Variants in GRK5 observed in about 807,000 individuals in gnomAD.
The protein encoded by GRK5 is g protein-coupled receptor kinase GRK5.
Under a neutral mutation model 78.4 loss-of-function variants are expected in GRK5, and 40 were observed. That is an observed-to-expected ratio of 0.51 (90% CI 0.40 to 0.66). The LOEUF (loss-of-function observed/expected upper bound fraction) is 0.66. GRK5 is among the 30% of genes least tolerant of loss of function. GRK5 has a pLI of 0.00. For missense variants in GRK5, 598 were observed against 759.9 expected, an observed-to-expected ratio of 0.79 and a Z score of 2.50; for synonymous variants, 289 against 296.8, an observed-to-expected ratio of 0.97 and a Z score of 0.27.
At chr10:119,284,051 C>T (rs562032315) in intron 1 of GRK5, among the ~76,000 whole-genome samples, 1 of 152,246 alleles carries the variant, frequency 6.6e-6, no homozygotes, top group Non-Finnish European at 1.5e-5. Flanking sequence ...GAGGAGGAAG[C>T]TGGGTACAGG....
At chr10:119,370,088 C>G (rs1022943575) in intron 2 of GRK5, among the ~76,000 whole-genome samples, 3 of 152,222 alleles carry the variant, frequency 2.0e-5, no homozygotes, top group Non-Finnish European at 4.4e-5. Flanking sequence ...TCCCCAGACT[C>G]CTGGATACCT....
intron 2 of GRK5, among the ~76,000 whole-genome samples, chr10:119,357,939 G>A (rs1851290979): frequency 6.6e-6 from 1 of 152,200 alleles, no homozygotes; most frequent in Admixed American, 6.5e-5. Context: ...TCCCAAGCCA[G>A]GGGTGGGCAG....
chr10:119,349,104 A>G (rs1851149506), intron 2 of GRK5, among the ~76,000 whole-genome samples: 2 of 152,172 alleles, frequency 1.3e-5, no homozygotes, highest in Non-Finnish European at 2.9e-5. Context: ...GGAGAGGTTA[A>G]ACACTGTGGA....
In GRK5 at chr10:119,313,037, G is replaced by A. The variant is rs373149430; in HGVS notation, c.53-13479G>A. Among the ~76,000 whole-genome samples, 347 of 112,318 alleles carry A rather than the reference G, an allele frequency of 3.1e-3. 2 individuals carry two copies. The highest frequency in any genetic ancestry group is 8.8e-3 in the African/African-American group (338 of 38,292). 73.7% of individuals were successfully genotyped at this position (112,318 alleles called of 152,430 possible). A position where few individuals can be genotyped will look rare whatever the true frequency, so the allele number is the denominator to read the frequency against. ...TGATGGTAGTGGTAATGGCAGTGGT[G>A]ATGGTGGTGGTGGTAATGATGATGG... is the stretch of plus-strand genomic sequence containing the variant. On this transcript the variant is annotated intron_variant, in intron 1 of 15. Coordinates refer to ENST00000392870, the MANE Select transcript of GRK5 (RefSeq NM_005308.3).
chr10:119,436,531 G>A, intron 8 of GRK5, 120 bp from the exon 9 acceptor site: 1 of 975,938 alleles, frequency 1.0e-6, no homozygotes, highest in Non-Finnish European at 1.6e-6. Context: ...TCTGGGTGCA[G>A]GGGAGCAGGG....
At chr10:119,322,659 G>A (rs1440170752) in intron 1 of GRK5, among the ~76,000 whole-genome samples, 3 of 152,170 alleles carry the variant, frequency 2.0e-5, no homozygotes, top group African/African-American at 7.2e-5. Flanking sequence ...AGTCACCTGG[G>A]GATCCTTTTA....
At chr10:119,386,768 G>A (rs532682488) in intron 3 of GRK5, among the ~76,000 whole-genome samples, 59 of 152,320 alleles carry the variant, frequency 3.9e-4, no homozygotes, top group East Asian at 1.9e-3. Flanking sequence ...CAGGGCTGGC[G>A]TAACTTCTCG....
chr10:119,417,339 A>G (rs1852477985), intron 4 of GRK5, among the ~76,000 whole-genome samples: 1 of 152,168 alleles, frequency 6.6e-6, no homozygotes, highest in South Asian at 2.1e-4. Context: ...CAGTGTCTGA[A>G]ATACTCCAGA....
intron 12 of GRK5, among the ~76,000 whole-genome samples, chr10:119,446,951 T>C (rs1853162516): frequency 6.6e-6 from 1 of 152,248 alleles, no homozygotes. Context: ...AAGACAAGGC[T>C]GGGCCCCTAC....
At chr10:119,219,544 A>G (rs1848629705) in intron 1 of GRK5, among the ~76,000 whole-genome samples, 1 of 152,248 alleles carries the variant, frequency 6.6e-6, no homozygotes, top group Non-Finnish European at 1.5e-5. Flanking sequence ...GGTGAAGAAG[A>G]GAGCCGAGAA....
intron 2 of GRK5, among the ~76,000 whole-genome samples, chr10:119,376,973 C>T (rs1480382293): frequency 6.6e-6 from 1 of 152,150 alleles, no homozygotes; most frequent in Non-Finnish European, 1.5e-5. Flanking sequence ...AGCAAGTGCG[C>T]ATGCGCGTGC....
chr10:119,417,511 C>T (rs1363009832), intron 4 of GRK5, among the ~76,000 whole-genome samples: 1 of 152,132 alleles, frequency 6.6e-6, no homozygotes, highest in Non-Finnish European at 1.5e-5. Context: ...ACAAATGCAG[C>T]TTCAGGACAG....
intron 4 of GRK5, among the ~76,000 whole-genome samples, chr10:119,416,211 T>C (rs1852447924): frequency 6.6e-6 from 1 of 152,214 alleles, no homozygotes; most frequent in Admixed American, 6.5e-5. Context: ...GCCTCAAACA[T>C]CTGGAGTTTC....
chr10:119,368,051 C>T (rs1851479403), intron 2 of GRK5, among the ~76,000 whole-genome samples: 1 of 152,234 alleles, frequency 6.6e-6, no homozygotes, highest in South Asian at 2.1e-4. Context: ...CTGGCCCGGC[C>T]CTCCGTGGCT....
At chr10:119,402,592 C>T (rs186385028) in intron 4 of GRK5, among the ~76,000 whole-genome samples, 4 of 152,332 alleles carry the variant, frequency 2.6e-5, no homozygotes, top group Admixed American at 6.5e-5. Flanking sequence ...GTGTCTCACA[C>T]CTGTAATCCC....
chr10:119,292,948 T>A (rs1850010611), intron 1 of GRK5, among the ~76,000 whole-genome samples: 1 of 152,176 alleles, frequency 6.6e-6, no homozygotes, highest in Admixed American at 6.5e-5. Flanking sequence ...GACTTTATGT[T>A]TTACAAAGCA....
intron 3 of GRK5, among the ~76,000 whole-genome samples, chr10:119,389,745 G>A (rs1334421275): frequency 6.6e-6 from 1 of 151,938 alleles, no homozygotes; most frequent in African/African-American, 2.4e-5. Context: ...TGGGAACTGT[G>A]GACTGCCATG....
chr10:119,290,357 A>AC (rs1849930084), intron 1 of GRK5, among the ~76,000 whole-genome samples: 2 of 145,406 alleles, frequency 1.4e-5, no homozygotes, highest in Non-Finnish European at 3.0e-5. Context: ...AAAAAAAAAA[A>AC]AAAAAACAAA....
chr10:119,445,358 G>C lies in GRK5; in HGVS notation c.1266+1606G>C, dbSNP rs551483380. Among the ~76,000 whole-genome samples, 2 of 152,256 alleles carry C rather than the reference G, an allele frequency of 1.3e-5. No homozygotes were observed. The highest frequency in any genetic ancestry group is 3.9e-4 in the East Asian group (2 of 5,172). On this transcript the variant is annotated intron_variant, in intron 12 of 15. Transcript: ENST00000392870. The surrounding 1 kb of genome is among the most constrained non-coding windows in gnomAD (Gnocchi z 4.1). ...CAGGGCCAGGCAATCAGAGAAGCAG[G>C]TCTTGAGAGATCTCAGCAGGGATAT... is the stretch of plus-strand genomic sequence containing the variant.
Sources: gnomAD v4.1 joint callset for allele counts (sites outside exome capture counted in the v4.1 genomes callset) on GRCh38, gnomAD v4.1.1 for gene constraint, Gnocchi (gnomAD v3.1) non-coding constraint, MANE v1.5 for transcripts, NCBI Gene and HGNC (gene_info 2026-07-23, HGNC 2026-07-21) for gene names.